Variants in FANCD2 observed in about 807,000 individuals in gnomAD.
FANCD2 encodes the protein FA complementation group D2.
Under a neutral mutation model 192.3 loss-of-function variants are expected in FANCD2, and 131 were observed. The observed-to-expected ratio is 0.68, with a 90% confidence interval of 0.59 to 0.79. The LOEUF is 0.79. FANCD2 is among the 30% of genes least tolerant of loss of function. The probability of loss-of-function intolerance (pLI) is 0.00; values close to 1 mark genes in which losing one functional copy is unlikely to be tolerated. For synonymous variants in FANCD2, 524 were observed against 612.5 expected (o/e 0.86, Z 2.13); for missense variants, 1,508 against 1,701.6 (o/e 0.89, Z 2.00).
chr3:10,062,568 T>C (rs2087601509), intron 20 of FANCD2, among the ~76,000 whole-genome samples: 1 of 151,892 alleles, frequency 6.6e-6, no homozygotes, highest in Admixed American at 6.6e-5. Flanking sequence ...ATTGGATATG[T>C]TTATGAGTAA....
chr3:10,040,462 G>C (rs2086838225), intron 9 of FANCD2: 1 of 455,138 alleles, frequency 2.2e-6, no homozygotes, highest in Non-Finnish European at 4.4e-6. Context: ...TGTTCTTCAG[G>C]GGGTCCTTAA....
At chr3:10,085,581 G>A (rs56063927) in intron 32 of FANCD2, among the ~76,000 whole-genome samples, 9 of 151,840 alleles carry the variant, frequency 5.9e-5, no homozygotes, top group African/African-American at 1.9e-4. Flanking sequence ...TAGTAGAGAC[G>A]GGATTTCACC....
In FANCD2 at chr3:10,065,886, C is replaced by T; in HGVS notation, c.2292C>T (p.Asp764=). The change falls in exon 25 of 44, where the codon GAC becomes GAT. Residue 764 remains aspartate (D), a synonymous_variant. Transcript: ENST00000675286. ...GLLDCPIFLT[D]LEPGEKLESM... ...CAGATTGTCCTATATTCCTAACTGA[C>T]CTGGAGCCTGGAGAGAAGTTGGAGT... 1 of 1,612,246 alleles carries T rather than the reference C, an allele frequency of 6.2e-7. No homozygotes were observed. The highest frequency in any genetic ancestry group is 1.1e-5 in the South Asian group (1 of 91,054).
At chr3:10,099,501 T>C in intron 43 of FANCD2, 1 of 226,898 alleles carries the variant, frequency 4.4e-6, no homozygotes, top group Admixed American at 5.6e-5. Context: ...GGCTCACACC[T>C]GTAATCCCAG....
chr3:10,028,728 A>G lies in FANCD2; in HGVS notation c.64+7A>G, dbSNP rs1269696117. On this transcript the variant is annotated splice_region_variant and intron_variant, in intron 2 of 43. Transcript: ENST00000675286. Reference sequence around the variant, plus strand: ...CTGACAGAAGATGCCTCCAGTAAGTATCTAGTCATTTGTTGCTTTATTTCC... The same window carrying G: ...CTGACAGAAGATGCCTCCAGTAAGTGTCTAGTCATTTGTTGCTTTATTTCC... 1.9e-6 allele frequency: 3 copies of G among 1,611,062 alleles called. No individual in the cohort carries two copies. Among genetic ancestry groups the G allele is most frequent in the Admixed American group, 1.7e-5 (1 of 59,986 alleles).
At chr3:10,026,919 G>T (rs188505561) in intron 1 of FANCD2, among the ~76,000 whole-genome samples, 30 of 152,314 alleles carry the variant, frequency 2.0e-4, no homozygotes, top group Non-Finnish European at 7.3e-5. Flanking sequence ...ATTATTAGAA[G>T]TCATTATAAT....
At chr3:10,046,285 C>T (rs569258205) in intron 14 of FANCD2, 1 of 367,046 alleles carries the variant, frequency 2.7e-6, no homozygotes, top group East Asian at 6.7e-5. Flanking sequence ...GATCTCCTGA[C>T]CTTGTGATCT....
chr3:10,041,485 C>T lies in FANCD2; in HGVS notation c.696-138C>T, dbSNP rs35220123. On this transcript the variant is annotated intron_variant, in intron 9 of 43. Coordinates refer to ENST00000675286, the MANE Select transcript of FANCD2 (RefSeq NM_001018115.3). The stretch of plus-strand genomic sequence containing the variant: ...GCAGTCAAAACAATTTTTAAAGAAA[C>T]ATACTATAAACGGTAACTTAATGGC... 0.17 allele frequency: 107,407 copies of T among 642,138 alleles called. 10,192 individuals carry two copies. Among genetic ancestry groups the T allele is most frequent in the African/African-American group, 0.32 (17,267 of 54,178 alleles). The allele number at this position is 642,138 out of a possible 1,614,324, so 39.8% of individuals were successfully genotyped here.
chr3:10,062,537 C>T (rs913620525), intron 20 of FANCD2, among the ~76,000 whole-genome samples: 22 of 152,020 alleles, frequency 1.4e-4, no homozygotes, highest in African/African-American at 4.1e-4. Context: ...CCACCTCGCC[C>T]GGCCGAGTTC....
At chr3:10,051,168 C>T (rs945974077) in intron 17 of FANCD2, among the ~76,000 whole-genome samples, 5 of 150,772 alleles carry the variant, frequency 3.3e-5, no homozygotes, top group African/African-American at 1.2e-4. Flanking sequence ...ATCACGAGGT[C>T]AGGAGATCGA....
rs756670695 is a variant in FANCD2, at chr3:10,067,201, C to T, written c.2386-8C>T. 2 of 1,562,558 alleles carry T rather than the reference C, an allele frequency of 1.3e-6. No individual in the cohort carries two copies. On this transcript the variant is annotated splice_region_variant and splice_polypyrimidine_tract_variant and intron_variant, in intron 25 of 43. Coordinates refer to ENST00000675286, the MANE Select transcript of FANCD2 (RefSeq NM_001018115.3). ...TGGAAGTATGAGAATGTAATTTGTACTTTGCAGATTGTAAATGCCTTCTGC... is the reference window on the plus strand; with the variant it reads ...TGGAAGTATGAGAATGTAATTTGTATTTTGCAGATTGTAAATGCCTTCTGC...
chr3:10,064,064 G>A (rs1016625322), intron 21 of FANCD2, among the ~76,000 whole-genome samples, 153 bp downstream of exon 21: 9 of 152,222 alleles, frequency 5.9e-5, no homozygotes, highest in South Asian at 2.1e-4. Context: ...CCTGTCTCAC[G>A]GCTCTTCTCT....
intron 25 of FANCD2, among the ~76,000 whole-genome samples, chr3:10,066,806 C>A (rs1478343247): frequency 6.6e-6 from 1 of 152,124 alleles, no homozygotes; most frequent in Non-Finnish European, 1.5e-5. Context: ...CTCACTGCAA[C>A]CTCCGCCTCC....
intron 27 of FANCD2, 33 bp downstream of exon 27, chr3:10,073,014 T>C: frequency 7.9e-7 from 1 of 1,273,432 alleles, no homozygotes; most frequent in East Asian, 2.3e-5. Context: ...GTCTTGTGTC[T>C]CTAAATAAGC....
intron 29 of FANCD2, among the ~76,000 whole-genome samples, chr3:10,077,695 C>T (rs1575817105): frequency 6.6e-6 from 1 of 151,736 alleles, no homozygotes; most frequent in African/African-American, 2.4e-5. Context: ...TGAAACCAGC[C>T]TGGGCAACAA....
Position 10,032,974 on chromosome 3 carries a change from T to A in FANCD2, c.205+2T>A, listed in dbSNP as rs1184667939. On this transcript the variant is annotated splice_donor_variant, in intron 3 of 43. Coordinates refer to ENST00000675286, the MANE Select transcript of FANCD2 (RefSeq NM_001018115.3). LOFTEE classifies it high-confidence loss of function. ...CGGGAGAGAGTCAGAATCAACTAGGTAATATTTTAATCTAATTTTATTCTC... is the reference window on the plus strand; with the variant it reads ...CGGGAGAGAGTCAGAATCAACTAGGAAATATTTTAATCTAATTTTATTCTC... 1 of 1,558,164 alleles carries A rather than the reference T, an allele frequency of 6.4e-7. No individual in the cohort carries two copies. Among genetic ancestry groups the A allele is most frequent in the South Asian group, 1.1e-5 (1 of 89,694 alleles).
At chr3:10,048,604 C>T (rs76519400) in intron 16 of FANCD2, among the ~76,000 whole-genome samples, 213 of 135,700 alleles carry the variant, frequency 1.6e-3, no homozygotes, top group East Asian at 4.6e-3. Context: ...TGGGCCTGGC[C>T]GAGACACATT....
At chr3:10,094,432 T>TCCCAGCCCCAC in intron 40 of FANCD2, 69 bp downstream of exon 40, 2 of 1,344,748 alleles carry the variant, frequency 1.5e-6, no homozygotes, top group Non-Finnish European at 2.1e-6. Flanking sequence ...CCTTGGTGAC[T>TCCCAGCCCCAC]CCTGGGTGGG....
intron 19 of FANCD2, among the ~76,000 whole-genome samples, chr3:10,060,684 C>G (rs1216280361): frequency 6.6e-6 from 1 of 152,144 alleles, no homozygotes; most frequent in African/African-American, 2.4e-5. Context: ...AACCCTGATT[C>G]TTTTAGAATG....
Sources: allele counts gnomAD v4.1 joint callset (sites outside exome capture counted in the v4.1 genomes callset), GRCh38; gene constraint gnomAD v4.1.1; transcripts MANE v1.5; gene names NCBI Gene and HGNC (gene_info 2026-07-23, HGNC 2026-07-21).